Variants in EXT1 observed in about 807,000 individuals in gnomAD.
EXT1 encodes the protein exostosin-1.
EXT1 carries 20 observed loss-of-function variants against 82.5 expected under a neutral mutation model. The observed-to-expected ratio is 0.24, with a 90% CI of 0.17 to 0.35. EXT1 has a LOEUF of 0.35. Ranked by LOEUF, EXT1 falls within the 10% of genes least tolerant of loss-of-function variation. The pLI is 1.00. For synonymous variants in EXT1, 348 were observed against 350.8 expected, an observed-to-expected ratio of 0.99 and a Z score of 0.09; for missense variants, 757 against 936.5, an observed-to-expected ratio of 0.81 and a Z score of 2.50.
Position 118,110,914 on chromosome 8 carries a change from C to T in EXT1, c.133G>A (p.Gly45Ser). 6.2e-7 allele frequency: 1 copy of T among 1,614,074 alleles called. No individual in the cohort carries two copies. Among genetic ancestry groups the T allele is most frequent in the Non-Finnish European group, 8.5e-7 (1 of 1,180,032 alleles). ...SRREEHSGRNGLHHPSPDHFW... is the reference protein window; with the variant it reads ...SRREEHSGRNSLHHPSPDHFW... ...TGATCCGGACTGGGGTGGTGCAAGC[C>T]ATTCCTACCGCTGTGTTCTTCTCTC... Residue 45 changes from glycine (G) to serine (S), a missense_variant, in exon 1 of 11, where the codon GGC (glycine) becomes AGC (serine). Gly to Ser is a moderately conservative substitution (Grantham distance 56, BLOSUM62 0). Coordinates refer to ENST00000378204, the MANE Select transcript of EXT1 (RefSeq NM_000127.3).
chr8:117,877,814 A>G (rs1361788101), intron 1 of EXT1, among the ~76,000 whole-genome samples: 1 of 152,178 alleles, frequency 6.6e-6, no homozygotes. Flanking sequence ...GGAAAGTACT[A>G]GTTCACAGTC....
At chr8:117,854,358 G>A (rs1483862906) in intron 1 of EXT1, among the ~76,000 whole-genome samples, 1 of 152,086 alleles carries the variant, frequency 6.6e-6, no homozygotes, top group African/African-American at 2.4e-5. Flanking sequence ...GGTAGACCAG[G>A]CCAAACCATT....
chr8:118,058,018 A>G (rs1345624012), intron 1 of EXT1, among the ~76,000 whole-genome samples: 1 of 151,734 alleles, frequency 6.6e-6, no homozygotes, highest in Non-Finnish European at 1.5e-5. Flanking sequence ...ATCGAAAGTG[A>G]TCTGCACCAG....
At chr8:117,881,455 G>A (rs899550999) in intron 1 of EXT1, among the ~76,000 whole-genome samples, 9 of 152,134 alleles carry the variant, frequency 5.9e-5, no homozygotes, top group African/African-American at 1.9e-4. Flanking sequence ...TGGCTACCCC[G>A]CATTCATCAC....
At chr8:118,014,161 C>T (rs1340425852) in intron 1 of EXT1, among the ~76,000 whole-genome samples, 1 of 152,186 alleles carries the variant, frequency 6.6e-6, no homozygotes, top group African/African-American at 2.4e-5. Context: ...GCCTTCTTTG[C>T]TCTTTGAGCC....
chr8:118,108,222 C>A (rs1817833233), intron 1 of EXT1, among the ~76,000 whole-genome samples: 1 of 152,120 alleles, frequency 6.6e-6, no homozygotes, highest in Admixed American at 6.5e-5. Flanking sequence ...AGATATTATT[C>A]ACTTGGATTA....
At chr8:118,075,454 C>A (rs1002031074) in intron 1 of EXT1, among the ~76,000 whole-genome samples, 3 of 152,186 alleles carry the variant, frequency 2.0e-5, no homozygotes, top group Admixed American at 2.0e-4. Context: ...CTGCACCCTA[C>A]ACAGTGTTTC....
intron 1 of EXT1, among the ~76,000 whole-genome samples, chr8:117,919,821 T>C (rs1384001508): frequency 6.6e-6 from 1 of 152,218 alleles, no homozygotes; most frequent in Admixed American, 6.5e-5. Flanking sequence ...AACCATTAAA[T>C]AAATATTCCT....
At chr8:117,922,125 A>T (rs1256520340) in intron 1 of EXT1, among the ~76,000 whole-genome samples, 1 of 152,176 alleles carries the variant, frequency 6.6e-6, no homozygotes, top group Non-Finnish European at 1.5e-5. Flanking sequence ...TTTGCTTGAA[A>T]GGAAACCAGG....
chr8:118,052,459 C>T (rs1816732144), intron 1 of EXT1, among the ~76,000 whole-genome samples: 1 of 152,120 alleles, frequency 6.6e-6, no homozygotes, highest in African/African-American at 2.4e-5. Flanking sequence ...CCAGTCCTAA[C>T]AGCAGTACAT....
intron 1 of EXT1, among the ~76,000 whole-genome samples, chr8:118,107,936 G>A (rs1272706588): frequency 6.6e-6 from 1 of 152,078 alleles, no homozygotes; most frequent in African/African-American, 2.4e-5. Flanking sequence ...TCCCTGCTTG[G>A]GAGAAAGAGC....
At chr8:117,904,441 A>C (rs1477279477) in intron 1 of EXT1, among the ~76,000 whole-genome samples, 1 of 152,234 alleles carries the variant, frequency 6.6e-6, no homozygotes, top group Non-Finnish European at 1.5e-5. Context: ...TACTTTAGGT[A>C]AGTCACTTTA....
chr8:117,971,527 G>A (rs934786716), intron 1 of EXT1, among the ~76,000 whole-genome samples: 2 of 152,154 alleles, frequency 1.3e-5, no homozygotes, highest in African/African-American at 2.4e-5. Context: ...TCTACTCATG[G>A]TCAAAAGACA....
At chr8:117,819,129 G>A (rs1055478991) in intron 6 of EXT1, among the ~76,000 whole-genome samples, 4 of 152,160 alleles carry the variant, frequency 2.6e-5, no homozygotes, top group African/African-American at 9.7e-5. Context: ...AAACCTTCTT[G>A]TATAAACTAA....
At chr8:117,905,987 A>C (rs1479834336) in intron 1 of EXT1, among the ~76,000 whole-genome samples, 1 of 152,154 alleles carries the variant, frequency 6.6e-6, no homozygotes, top group Non-Finnish European at 1.5e-5. Context: ...CTCTCCCAAC[A>C]GGCTGTGGTA....
chr8:117,934,925 T>C (rs1462820766), intron 1 of EXT1, among the ~76,000 whole-genome samples: 1 of 152,196 alleles, frequency 6.6e-6, no homozygotes, highest in Non-Finnish European at 1.5e-5. Context: ...CCTGAATTGA[T>C]CCTACACATG....
chr8:117,942,907 T>A (rs891625447), intron 1 of EXT1, among the ~76,000 whole-genome samples: 4 of 152,194 alleles, frequency 2.6e-5, no homozygotes, highest in Non-Finnish European at 5.9e-5. Flanking sequence ...GTCAAAGTGA[T>A]CCTGGGGAAA....
intron 8 of EXT1, among the ~76,000 whole-genome samples, chr8:117,811,618 A>T (rs1223346481): frequency 3.5e-5 from 5 of 143,054 alleles, no homozygotes; most frequent in Non-Finnish European, 6.2e-5. Flanking sequence ...CATCTATGGA[A>T]TTTTTTTTTT....
At chr8:118,032,258 C>T (rs1331033331) in intron 1 of EXT1, among the ~76,000 whole-genome samples, 2 of 151,544 alleles carry the variant, frequency 1.3e-5, no homozygotes, top group African/African-American at 2.4e-5. Context: ...GAGCAACTCC[C>T]GGGAACTTGT....
Sources: gnomAD v4.1 joint callset for allele counts (sites outside exome capture counted in the v4.1 genomes callset) on GRCh38, gnomAD v4.1.1 for gene constraint, MANE v1.5 for transcripts, NCBI Gene and HGNC (gene_info 2026-07-23, HGNC 2026-07-21) for gene names.